Variants in AHRR observed in about 807,000 individuals in gnomAD.
AHRR encodes the protein ahR repressor.
A neutral mutation model predicts 44.0 loss-of-function variants in AHRR; 28 were observed. The ratio of observed to expected loss-of-function variants is 0.64; its 90% CI spans 0.47 to 0.87. AHRR has a LOEUF of 0.87. Ranked by LOEUF, AHRR falls within the 40% of genes least tolerant of loss-of-function variation. The pLI is 0.00. For synonymous variants in AHRR, 434 were observed against 407.0 expected, an observed-to-expected ratio of 1.07 and a Z score of -0.80; for missense variants, 990 against 953.9, an observed-to-expected ratio of 1.04 and a Z score of -0.50.
intron 8 of AHRR, among the ~76,000 whole-genome samples, chr5:428,837 G>A (rs974725405): frequency 1.3e-5 from 2 of 152,158 alleles, no homozygotes; most frequent in Non-Finnish European, 2.9e-5. Context: ...CTCGAACCTA[G>A]GGCTCTCCCT....
At chr5:343,264 C>G (rs553162840) in intron 1 of AHRR, among the ~76,000 whole-genome samples, 1 of 146,442 alleles carries the variant, frequency 6.8e-6, no homozygotes, top group Non-Finnish European at 1.5e-5. Flanking sequence ...GACAGGAACA[C>G]GGGACCCCAC....
chr5:403,698 TTTCTCTCAGAGGCA>T, intron 4 of AHRR: 11 of 772,474 alleles, frequency 1.4e-5, no homozygotes, highest in South Asian at 7.6e-5. Flanking sequence ...TTTTTTTTAC[TTTCTCTCAGAGGCA>T]TATTTTTCCG....
chr5:393,645 G>GT (rs113564712), intron 4 of AHRR, among the ~76,000 whole-genome samples: 5,484 of 149,090 alleles, frequency 0.037, 296 homozygotes, highest in African/African-American at 0.12. Context: ...GTTTTCTTTG[G>GT]TTTTTTTTTT....
chr5:416,138 TG>T (rs1735800045), intron 5 of AHRR, among the ~76,000 whole-genome samples: 1 of 152,198 alleles, frequency 6.6e-6, no homozygotes, highest in South Asian at 2.1e-4. Flanking sequence ...GGGCTGGCCC[TG>T]GTGGAGGACG....
intron 2 of AHRR, among the ~76,000 whole-genome samples, chr5:344,430 A>T: frequency 4.9e-5 from 1 of 20,460 alleles, no homozygotes; most frequent in East Asian, 4.8e-4. Context: ...GGTATGTGTG[A>T]GGCTGTGGGG....
intron 4 of AHRR, among the ~76,000 whole-genome samples, chr5:412,046 C>T (rs908594999): frequency 4.6e-5 from 7 of 152,190 alleles, no homozygotes; most frequent in Admixed American, 1.3e-4. Flanking sequence ...GGTGGGGCTG[C>T]GAGGCTCGCT....
chr5:382,748 T>C (rs545642314), intron 4 of AHRR, among the ~76,000 whole-genome samples: 41 of 129,284 alleles, frequency 3.2e-4, no homozygotes, highest in Non-Finnish European at 5.6e-4. Context: ...TATTTGTCTA[T>C]TTTCCATTTC....
At chr5:427,717 C>T (rs896572469) in intron 7 of AHRR, 90 bp from the exon 8 acceptor site, 1 of 1,613,814 alleles carries the variant, frequency 6.2e-7, no homozygotes. Flanking sequence ...CGAATTCCAG[C>T]CGCTGTCGCG....
At chr5:375,409 TG>T (rs1196215820) in intron 3 of AHRR, among the ~76,000 whole-genome samples, 3 of 151,626 alleles carry the variant, frequency 2.0e-5, no homozygotes, top group Non-Finnish European at 2.9e-5. Flanking sequence ...GTGAGGGTGG[TG>T]GGGGGCTGCT....
intron 1 of AHRR, among the ~76,000 whole-genome samples, chr5:322,253 C>G (rs1174826095): frequency 6.6e-6 from 1 of 152,110 alleles, no homozygotes; most frequent in African/African-American, 2.4e-5. Flanking sequence ...CCCAGTAGCG[C>G]TGAAGTCTTA....
intron 8 of AHRR, 40 bp from the exon 9 acceptor site, chr5:432,423 C>T (rs373038542): frequency 2.5e-6 from 4 of 1,592,020 alleles, no homozygotes; most frequent in Non-Finnish European, 3.4e-6. Context: ...TCATCTTGTT[C>T]ATCCGTCACA....
In AHRR at chr5:343,915, G is replaced by C. The variant is rs1742462157; in HGVS notation, c.13G>C (p.Gly5Arg). The C allele has an allele frequency of 6.2e-7, 1 of 1,601,546 alleles. No individual in the cohort carries two copies. Among genetic ancestry groups the C allele is most frequent in the African/African-American group, 1.4e-5 (1 of 72,844 alleles). Residue 5 changes from glycine to arginine, a missense_variant, in exon 2 of 11, where the codon GGG becomes CGG. Transcript: ENST00000684583. Reference protein sequence around the residue: MIPPGECTYAGRKRR... With the variant: MIPPRECTYAGRKRR... ...CAGGCCGAGGACGATGATCCCGCCGGGGGAGTGCACGTACGCGGGCCGGAA... is the reference window on the plus strand; with the variant it reads ...CAGGCCGAGGACGATGATCCCGCCGCGGGAGTGCACGTACGCGGGCCGGAA...
At chr5:390,955 A>C (rs1021675944) in intron 4 of AHRR, among the ~76,000 whole-genome samples, 2 of 152,174 alleles carry the variant, frequency 1.3e-5, no homozygotes, top group African/African-American at 4.8e-5. Flanking sequence ...CTTCTCCACC[A>C]GAACCAGCCA....
intron 4 of AHRR, among the ~76,000 whole-genome samples, chr5:389,274 T>G (rs933407799): frequency 2.0e-5 from 3 of 152,004 alleles, no homozygotes; most frequent in African/African-American, 7.3e-5. Context: ...AGGAACAAAC[T>G]TTAAGGGAAG....
intron 3 of AHRR, among the ~76,000 whole-genome samples, chr5:369,865 C>G (rs1007669497): frequency 6.6e-6 from 1 of 152,232 alleles, no homozygotes; most frequent in Non-Finnish European, 1.5e-5. Context: ...GGTTTCTCAT[C>G]CAGTTCTTGA....
intron 3 of AHRR, among the ~76,000 whole-genome samples, chr5:361,614 G>A (rs1743187897): frequency 6.6e-6 from 1 of 152,178 alleles, no homozygotes; most frequent in South Asian, 2.1e-4. Context: ...AGTCAAAGAG[G>A]ATTGTCCTGA....
At chr5:391,374 G>C (rs1319669046) in intron 4 of AHRR, among the ~76,000 whole-genome samples, 1 of 116,190 alleles carries the variant, frequency 8.6e-6, no homozygotes, top group African/African-American at 4.7e-5. Flanking sequence ...GAGCGTGCAT[G>C]GGCGCAGGGC....
At chr5:324,681 C>T (rs552582466) in intron 1 of AHRR, among the ~76,000 whole-genome samples, 1 of 152,092 alleles carries the variant, frequency 6.6e-6, no homozygotes, top group African/African-American at 2.4e-5. Flanking sequence ...CCCAGCTACT[C>T]GAGAGGCTGA....
chr5:412,266 A>G (rs535070420), intron 4 of AHRR, among the ~76,000 whole-genome samples: 1 of 152,384 alleles, frequency 6.6e-6, no homozygotes, highest in African/African-American at 2.4e-5. Context: ...TAATGTAAAA[A>G]AAATAAATAA....
Sources: allele counts gnomAD v4.1 joint callset (sites outside exome capture counted in the v4.1 genomes callset), GRCh38; gene constraint gnomAD v4.1.1; transcripts MANE v1.5; gene names NCBI Gene and HGNC (gene_info 2026-07-23, HGNC 2026-07-21).